The following PLCL1 variants were observed in gnomAD, a reference collection of about 807,000 sequenced individuals.
PLCL1 encodes the protein inactive phospholipase C-like protein 1.
Under a neutral mutation model 84.4 loss-of-function variants are expected in PLCL1, and 41 were observed. That is an observed-to-expected ratio of 0.49 (90% confidence interval 0.38 to 0.63). PLCL1 has a LOEUF of 0.63. Among genes scored for constraint, PLCL1 ranks in the 30% least tolerant of loss-of-function variants. The pLI is 0.00. For synonymous variants in PLCL1, 490 were observed against 488.3 expected (o/e 1.00, Z -0.05); for missense variants, 1,206 against 1,367.8 (o/e 0.88, Z 1.87).
At chr2:197,850,031 GACAC>G (rs5837563) in intron 1 of PLCL1, among the ~76,000 whole-genome samples, 28,081 of 134,878 alleles carry the variant, frequency 0.21, 2,856 homozygotes, top group East Asian at 0.34. Flanking sequence ...GACACACACA[GACAC>G]ACACACACAC....
At chr2:197,921,997 T>G (rs947359206) in intron 1 of PLCL1, among the ~76,000 whole-genome samples, 1 of 116,268 alleles carries the variant, frequency 8.6e-6, no homozygotes, top group Non-Finnish European at 1.9e-5. Flanking sequence ...GATTGATAAA[T>G]TCTTTTTTTT....
intron 1 of PLCL1, among the ~76,000 whole-genome samples, chr2:198,032,312 G>C (rs773062985): frequency 5.3e-5 from 8 of 151,874 alleles, no homozygotes; most frequent in Non-Finnish European, 8.8e-5. Context: ...TTCTAAAGCA[G>C]GCTCAAAATA....
At position 198,144,752 on chromosome 2, in the gene PLCL1, A is replaced by G. The variant is rs967438437; in HGVS notation, c.3106-2028A>G. 1.7e-4 allele frequency among the ~76,000 whole-genome samples: 26 copies of G among 152,256 alleles called. 1 individual carries two copies. The highest frequency in any genetic ancestry group is 1.7e-3 in the Admixed American group (26 of 15,282). On this transcript the variant is annotated intron_variant, in intron 5 of 5. Transcript: ENST00000428675. Reference sequence around the variant, plus strand: ...CTTCCTGATTCTGGATGCTATCTCTAAATTGTGTCAGGCTGTGTCACATGG... The same window carrying G: ...CTTCCTGATTCTGGATGCTATCTCTGAATTGTGTCAGGCTGTGTCACATGG...
At chr2:198,077,456 C>G (rs1055855447) in intron 1 of PLCL1, among the ~76,000 whole-genome samples, 17 of 152,140 alleles carry the variant, frequency 1.1e-4, no homozygotes, top group African/African-American at 3.6e-4. Context: ...TTCCAACACG[C>G]TTTCCTTTTA....
intron 5 of PLCL1, among the ~76,000 whole-genome samples, chr2:198,129,914 A>G (rs1361333283): frequency 6.6e-6 from 1 of 152,088 alleles, no homozygotes; most frequent in Non-Finnish European, 1.5e-5. Context: ...CTTGTCACAA[A>G]ATCTCATGGA....
At chr2:198,078,412 T>G (rs756285300) in intron 1 of PLCL1, among the ~76,000 whole-genome samples, 14 of 152,210 alleles carry the variant, frequency 9.2e-5, no homozygotes, top group Non-Finnish European at 1.8e-4. Flanking sequence ...AAAACCAGAA[T>G]GAATAGCATA....
chr2:198,136,489 T>TCTAGTCTCGAGACTAGAGA (rs1694258471), intron 5 of PLCL1, among the ~76,000 whole-genome samples: 1 of 151,946 alleles, frequency 6.6e-6, no homozygotes, highest in African/African-American at 2.4e-5. Context: ...ATTCAAAGTC[T>TCTAGTCTCGAGACTAGAGA]CTAGTCTAGA....
At chr2:198,050,285 G>A (rs1307438236) in intron 1 of PLCL1, among the ~76,000 whole-genome samples, 1 of 152,118 alleles carries the variant, frequency 6.6e-6, no homozygotes, top group Non-Finnish European at 1.5e-5. Context: ...GAAGAAATAA[G>A]AGACTTGAGG....
chr2:198,130,691 A>C (rs1694098982), intron 5 of PLCL1, among the ~76,000 whole-genome samples: 1 of 151,944 alleles, frequency 6.6e-6, no homozygotes, highest in African/African-American at 2.4e-5. Flanking sequence ...AGTTATCCAA[A>C]CCTAAATCCT....
intron 1 of PLCL1, among the ~76,000 whole-genome samples, chr2:197,923,358 A>G (rs1288723381): frequency 2.1e-5 from 3 of 143,796 alleles, no homozygotes; most frequent in African/African-American, 7.7e-5. Flanking sequence ...CTCACTTCTC[A>G]GACGGGGCAG....
At chr2:197,850,587 A>G (rs1175373107) in intron 1 of PLCL1, among the ~76,000 whole-genome samples, 3 of 152,166 alleles carry the variant, frequency 2.0e-5, no homozygotes, top group African/African-American at 4.8e-5. Flanking sequence ...CATAAGTAGA[A>G]TAAACCCGAA....
At chr2:198,107,830 A>G (rs189201600) in intron 5 of PLCL1, among the ~76,000 whole-genome samples, 2 of 151,888 alleles carry the variant, frequency 1.3e-5, no homozygotes, top group African/African-American at 2.4e-5. Context: ...CAGCTTGAGC[A>G]CTAGAGTAGT....
At chr2:198,117,847 A>G (rs1411615877) in intron 5 of PLCL1, among the ~76,000 whole-genome samples, 1 of 151,804 alleles carries the variant, frequency 6.6e-6, no homozygotes, top group East Asian at 1.9e-4. Context: ...CTTTACATGT[A>G]CTCTGAAACT....
At chr2:198,057,182 T>G (rs1017916215) in intron 1 of PLCL1, among the ~76,000 whole-genome samples, 2 of 152,176 alleles carry the variant, frequency 1.3e-5, no homozygotes, top group African/African-American at 4.8e-5. Context: ...GGTTCTAAAT[T>G]AGAGTCCTCG....
At chr2:197,972,431 C>A (rs533166507) in intron 1 of PLCL1, among the ~76,000 whole-genome samples, 19 of 152,246 alleles carry the variant, frequency 1.2e-4, no homozygotes, top group Admixed American at 2.6e-4. Context: ...AGAGATGCGA[C>A]CTTGTTGAGT....
At chr2:198,025,267 G>C (rs1006286067) in intron 1 of PLCL1, among the ~76,000 whole-genome samples, 22 of 151,756 alleles carry the variant, frequency 1.4e-4, no homozygotes, top group Admixed American at 3.9e-4. Context: ...AAAAGCATAA[G>C]CAAACCCACA....
chr2:197,897,829 T>C (rs1266673227), intron 1 of PLCL1, among the ~76,000 whole-genome samples: 1 of 152,222 alleles, frequency 6.6e-6, no homozygotes, highest in Admixed American at 6.5e-5. Context: ...CATTCAGCTC[T>C]AGTATCGCAT....
intron 5 of PLCL1, among the ~76,000 whole-genome samples, chr2:198,131,776 A>G (rs574847475): frequency 6.6e-6 from 1 of 152,254 alleles, no homozygotes; most frequent in African/African-American, 2.4e-5. Flanking sequence ...GGTGTGGTTA[A>G]AATTGTAGCA....
At position 198,147,012 on chromosome 2, in the gene PLCL1, C is replaced by G; in HGVS notation, c.*50C>G. The G allele has an allele frequency of 6.9e-7, 1 of 1,439,266 alleles. No individual in the cohort carries two copies. The highest frequency in any genetic ancestry group is 2.4e-5 in the East Asian group (1 of 42,126). 89.2% of individuals were successfully genotyped at this position (1,439,266 alleles called of 1,614,324 possible). A position where few individuals can be genotyped will look rare whatever the true frequency, so the allele number is the denominator to read the frequency against. On this transcript the variant is annotated 3_prime_UTR_variant, in exon 6 of 6. Coordinates refer to ENST00000428675, the MANE Select transcript of PLCL1 (RefSeq NM_006226.4). ...CCCATCTTATCAAGGACTCTGGTTTCTCATTCTTGTTTTCTTTCTTTAAAT... is the reference window on the plus strand; with the variant it reads ...CCCATCTTATCAAGGACTCTGGTTTGTCATTCTTGTTTTCTTTCTTTAAAT...
Sources: allele counts gnomAD v4.1 joint callset (sites outside exome capture counted in the v4.1 genomes callset), GRCh38; gene constraint gnomAD v4.1.1; transcripts MANE v1.5; gene names NCBI Gene and HGNC (gene_info 2026-07-23, HGNC 2026-07-21).